The following UVRAG variants were observed in gnomAD, a reference collection of about 807,000 sequenced individuals.
The protein encoded by UVRAG is UV radiation resistance associated, also known as UV radiation resistance-associated gene protein.
A neutral mutation model predicts 78.0 loss-of-function variants in UVRAG; 19 were observed. That is an observed-to-expected ratio of 0.24 (90% CI 0.17 to 0.36). The LOEUF (loss-of-function observed/expected upper bound fraction) is 0.36. Ranked by LOEUF, UVRAG falls within the 10% of genes least tolerant of loss-of-function variation. The probability of loss-of-function intolerance (pLI) is 1.00; values close to 1 mark genes in which losing one functional copy is unlikely to be tolerated. For synonymous variants in UVRAG, 323 were observed against 324.6 expected (o/e 1.00, Z 0.05); for missense variants, 740 against 853.8 (o/e 0.87, Z 1.66).
chr11:75,919,072 A>T (rs1947920383), intron 6 of UVRAG, among the ~76,000 whole-genome samples: 2 of 152,230 alleles, frequency 1.3e-5, no homozygotes, highest in Non-Finnish European at 2.9e-5. Flanking sequence ...GTCAACTATA[A>T]AATTCCAATT....
At position 76,115,950 on chromosome 11, in the gene UVRAG, T is replaced by C. The variant is rs1376229121; in HGVS notation, c.1332T>C (p.Thr444=). The C allele has an allele frequency of 4.3e-6, 7 of 1,613,926 alleles. No individual in the cohort carries two copies. The highest frequency in any genetic ancestry group is 5.9e-6 in the Non-Finnish European group (7 of 1,179,878). ...AQLRYQHGLG[T]PDLRQTLPNL... is the part of the protein sequence containing the mutation. ...TAAGATATCAACATGGACTAGGGAC[T>C]CCAGACTTGCGGCAAACCCTTCCCA... The change falls in exon 14 of 15, where the codon ACT becomes ACC. Residue 444 remains threonine (T), a synonymous_variant. Transcript: ENST00000356136.
chr11:76,015,760 CAG>C (rs1362013934), intron 11 of UVRAG, among the ~76,000 whole-genome samples: 3 of 152,130 alleles, frequency 2.0e-5, no homozygotes, highest in Non-Finnish European at 4.4e-5. Context: ...TAAGTGGAAA[CAG>C]AAAGAAGAAT....
intron 8 of UVRAG, among the ~76,000 whole-genome samples, chr11:75,994,430 C>T (rs1949668411): frequency 6.6e-6 from 1 of 152,104 alleles, no homozygotes; most frequent in Non-Finnish European, 1.5e-5. Context: ...GAGATGTGGA[C>T]CCAAATTCAG....
At chr11:75,888,584 A>G (rs1947146416) in intron 4 of UVRAG, among the ~76,000 whole-genome samples, 1 of 152,218 alleles carries the variant, frequency 6.6e-6, no homozygotes, top group African/African-American at 2.4e-5. Context: ...TGTTTGTGAA[A>G]GATATGTGAG....
intron 6 of UVRAG, among the ~76,000 whole-genome samples, chr11:75,922,547 A>G (rs532792805): frequency 1.6e-4 from 25 of 152,314 alleles, no homozygotes; most frequent in African/African-American, 6.0e-4. Flanking sequence ...AACCTTCTGG[A>G]ACTTTCAGAA....
In UVRAG at chr11:75,974,427, C is replaced by T. The variant is rs1187963947; in HGVS notation, c.700-8960C>T. 8.3e-4 allele frequency among the ~76,000 whole-genome samples: 113 copies of T among 136,326 alleles called. 1 individual carries two copies. The highest frequency in any genetic ancestry group is 1.4e-3 in the East Asian group (6 of 4,254). The allele number at this position is 136,326 out of a possible 152,430, so 89.4% of individuals were successfully genotyped here. ...CAGGCCGGACTGCGGACTGCAGTGG[C>T]GCAATCTCGGCTCACTGCAAGCTCC... On this transcript the variant is annotated intron_variant, in intron 7 of 14. Transcript: ENST00000356136.
At chr11:76,077,160 T>C (rs937927867) in intron 13 of UVRAG, among the ~76,000 whole-genome samples, 6 of 148,716 alleles carry the variant, frequency 4.0e-5, no homozygotes, top group African/African-American at 1.5e-4. Flanking sequence ...ATATAATATA[T>C]GTAAATATTA....
At chr11:75,850,027 C>T (rs929233332) in intron 1 of UVRAG, among the ~76,000 whole-genome samples, 3 of 152,192 alleles carry the variant, frequency 2.0e-5, no homozygotes, top group Non-Finnish European at 4.4e-5. Context: ...ACTTGGTGTT[C>T]ACACCATGCA....
intron 4 of UVRAG, among the ~76,000 whole-genome samples, chr11:75,883,814 A>G (rs1195677809): frequency 1.3e-5 from 2 of 152,242 alleles, no homozygotes; most frequent in East Asian, 1.9e-4. Flanking sequence ...TACAATTTAC[A>G]TGTCATAAAA....
At chr11:76,064,611 A>G (rs1008985468) in intron 12 of UVRAG, among the ~76,000 whole-genome samples, 1 of 152,202 alleles carries the variant, frequency 6.6e-6, no homozygotes, top group African/African-American at 2.4e-5. Flanking sequence ...CCCAGTGCCT[A>G]TAATTTTATA....
At chr11:76,041,568 A>G (rs990972077) in intron 12 of UVRAG, among the ~76,000 whole-genome samples, 1 of 152,168 alleles carries the variant, frequency 6.6e-6, no homozygotes, top group Non-Finnish European at 1.5e-5. Context: ...GTCTAACACC[A>G]TGCCCTGCCA....
Position 76,008,870 on chromosome 11 carries a change from A to G in UVRAG, c.1060+3A>G. On this transcript the variant is annotated splice_donor_region_variant and intron_variant, in intron 11 of 14. Coordinates refer to ENST00000356136, the MANE Select transcript of UVRAG (RefSeq NM_003369.4). ...GCCTAATTCTGAGGACTTCCAAGGT[A>G]TTTTATTTTTTATTTTGAAGATTTG... The G allele has an allele frequency of 2.8e-6, 4 of 1,435,356 alleles. No individual in the cohort carries two copies. The highest frequency in any genetic ancestry group is 3.8e-6 in the Non-Finnish European group (4 of 1,060,000). 88.9% of individuals were successfully genotyped at this position (1,435,356 alleles called of 1,614,324 possible).
intron 13 of UVRAG, among the ~76,000 whole-genome samples, chr11:76,100,338 A>G (rs1221201721): frequency 1.3e-5 from 2 of 152,114 alleles, no homozygotes; most frequent in Non-Finnish European, 2.9e-5. Context: ...AAAAACCTCT[A>G]TACTATTGTT....
At chr11:75,854,608 G>T (rs1200004027) in intron 2 of UVRAG, among the ~76,000 whole-genome samples, 1 of 151,876 alleles carries the variant, frequency 6.6e-6, no homozygotes, top group East Asian at 1.9e-4. Context: ...GTAGAGATGG[G>T]GTTTCACCAT....
chr11:75,890,500 A>T (rs941013662), intron 5 of UVRAG, among the ~76,000 whole-genome samples: 1 of 152,178 alleles, frequency 6.6e-6, no homozygotes, highest in African/African-American at 2.4e-5. Flanking sequence ...AAGTAACTGG[A>T]TGGATAAAGG....
At chr11:75,834,927 C>T (rs1565337427) in intron 1 of UVRAG, among the ~76,000 whole-genome samples, 2 of 152,190 alleles carry the variant, frequency 1.3e-5, no homozygotes, top group Admixed American at 6.5e-5. Context: ...ATCTTCCCTC[C>T]TCAGCCTCTT....
At position 76,044,470 on chromosome 11, in the gene UVRAG, G is replaced by A. The variant is rs113574222; in HGVS notation, c.1227-21240G>A. On this transcript the variant is annotated intron_variant, in intron 12 of 14. Coordinates refer to ENST00000356136, the MANE Select transcript of UVRAG (RefSeq NM_003369.4). ...AAATGCCAATGAAATAACAGTATAC[G>A]GATTAAAATTTAAAAAGCAGGCCAG... is the stretch of plus-strand genomic sequence containing the variant. 1.9e-3 allele frequency among the ~76,000 whole-genome samples: 289 copies of A among 152,230 alleles called. 1 individual carries two copies. Among genetic ancestry groups the A allele is most frequent in the Non-Finnish European group, 3.3e-3 (226 of 68,020 alleles).
chr11:75,919,811 C>T (rs1947934826), intron 6 of UVRAG, among the ~76,000 whole-genome samples: 1 of 152,014 alleles, frequency 6.6e-6, no homozygotes, highest in Non-Finnish European at 1.5e-5. Context: ...GCCTGGGCCA[C>T]AGGCTGGTTA....
chr11:75,833,098 A>G (rs1487096571), intron 1 of UVRAG, among the ~76,000 whole-genome samples: 1 of 152,048 alleles, frequency 6.6e-6, no homozygotes, highest in Non-Finnish European at 1.5e-5. Context: ...TCTTTATTTT[A>G]TTTATTTTTA....
Sources: allele counts gnomAD v4.1 joint callset (sites outside exome capture counted in the v4.1 genomes callset), GRCh38; gene constraint gnomAD v4.1.1; transcripts MANE v1.5; gene names NCBI Gene and HGNC (gene_info 2026-07-23, HGNC 2026-07-21).